Variants in TULP4 observed in about 807,000 individuals in gnomAD.
TULP4 encodes the protein TUB like protein 4.
In TULP4, 16 loss-of-function variants were observed where a neutral mutation model predicts 129.0. That is an observed-to-expected ratio of 0.12 (90% CI 0.08 to 0.19). The LOEUF (loss-of-function observed/expected upper bound fraction) is 0.19, where lower values mean the gene tolerates loss of function less well. Among genes scored for constraint, TULP4 ranks in the 10% least tolerant of loss-of-function variants. The pLI, the probability that TULP4 is intolerant of heterozygous loss-of-function variation, is 1.00. For synonymous variants in TULP4, 998 were observed against 854.0 expected, an observed-to-expected ratio of 1.17 and a Z score of -2.94; for missense variants, 1,842 against 2,059.1, an observed-to-expected ratio of 0.89 and a Z score of 2.04.
At chr6:158,453,325 A>T (rs1779205457) in intron 5 of TULP4, among the ~76,000 whole-genome samples, 1 of 151,464 alleles carries the variant, frequency 6.6e-6, no homozygotes, top group Admixed American at 6.6e-5. Context: ...AATTAGCTAA[A>T]CACAAAAAAT....
chr6:158,345,586 G>C (rs1369455582), intron 1 of TULP4, among the ~76,000 whole-genome samples: 1 of 152,208 alleles, frequency 6.6e-6, no homozygotes, highest in Admixed American at 6.5e-5. Context: ...ATTTCAAAAG[G>C]GGAGTGGGTG....
chr6:158,398,716 A>G (rs550676682), intron 1 of TULP4, among the ~76,000 whole-genome samples: 15 of 152,258 alleles, frequency 9.9e-5, no homozygotes, highest in African/African-American at 2.9e-4. Context: ...ACAAAATTCA[A>G]TTGTTCTTCT....
chr6:158,297,976 T>C (rs1382819870), intron 1 of TULP4, among the ~76,000 whole-genome samples: 1 of 152,178 alleles, frequency 6.6e-6, no homozygotes, highest in Non-Finnish European at 1.5e-5. Flanking sequence ...AGCGGCCGTT[T>C]ATAGACCTCC....
At chr6:158,419,629 G>A (rs1404196033) in intron 2 of TULP4, among the ~76,000 whole-genome samples, 3 of 152,108 alleles carry the variant, frequency 2.0e-5, no homozygotes, top group Non-Finnish European at 2.9e-5. Context: ...TTTAAAGGAT[G>A]AGAAAGATGT....
chr6:158,424,673 A>G (rs1583861255), intron 2 of TULP4, among the ~76,000 whole-genome samples: 2 of 152,358 alleles, frequency 1.3e-5, no homozygotes, highest in East Asian at 3.9e-4. Context: ...GTACATGTTC[A>G]ATACAAATGT....
chr6:158,258,880 C>G (rs896241664), intron 1 of TULP4, among the ~76,000 whole-genome samples: 10 of 152,098 alleles, frequency 6.6e-5, no homozygotes, highest in Non-Finnish European at 1.5e-4. Context: ...AAAGTTTAAC[C>G]AAGCAGGGTA....
intron 1 of TULP4, among the ~76,000 whole-genome samples, chr6:158,295,705 C>T (rs1315348058): frequency 1.3e-5 from 2 of 152,140 alleles, no homozygotes. Flanking sequence ...CTGGCTAACA[C>T]AGTGAAACTC....
chr6:158,267,750 A>G (rs761461132), intron 1 of TULP4, among the ~76,000 whole-genome samples: 19 of 152,284 alleles, frequency 1.2e-4, no homozygotes, highest in Non-Finnish European at 2.2e-4. Context: ...AAGGCCTGCC[A>G]AGGTCAGCCT....
intron 11 of TULP4, 88 bp from the exon 12 acceptor site, chr6:158,498,581 A>T: frequency 6.6e-7 from 1 of 1,516,066 alleles, no homozygotes; most frequent in Non-Finnish European, 9.1e-7. Flanking sequence ...GGGAAACTGC[A>T]GTGCGCTCTT....
At chr6:158,329,387 A>G (rs904791075) in intron 1 of TULP4, among the ~76,000 whole-genome samples, 20 of 149,986 alleles carry the variant, frequency 1.3e-4, no homozygotes, top group African/African-American at 3.4e-4. Context: ...CGAGATTTGT[A>G]TGTTTTAGCT....
At chr6:158,446,829 G>A (rs759142197) in intron 3 of TULP4, among the ~76,000 whole-genome samples, 35 of 152,152 alleles carry the variant, frequency 2.3e-4, no homozygotes, top group Non-Finnish European at 3.4e-4. Flanking sequence ...TGGGTGTAGC[G>A]AGAGTGCTTG....
chr6:158,246,023 G>GGGGTGTGTGTGTGT (rs113914160), intron 1 of TULP4, among the ~76,000 whole-genome samples: 52 of 145,914 alleles, frequency 3.6e-4, no homozygotes, highest in East Asian at 1.2e-3. Context: ...ACCCCTTAGG[G>GGGGTGTGTGTGTGT]GTGTGTGTGT....
intron 8 of TULP4, among the ~76,000 whole-genome samples, chr6:158,488,816 T>G (rs1780128775): frequency 6.6e-6 from 1 of 151,552 alleles, no homozygotes; most frequent in Non-Finnish European, 1.5e-5. Context: ...TGTGGGGGAT[T>G]TGGGTGGTGA....
At chr6:158,479,371 T>C (rs1189477266) in intron 6 of TULP4, among the ~76,000 whole-genome samples, 1 of 152,206 alleles carries the variant, frequency 6.6e-6, no homozygotes. Context: ...GTAAACAAAC[T>C]TTATAAAATT....
chr6:158,502,490 C>A lies in TULP4; in HGVS notation c.2827C>A (p.Leu943Met). The change falls in exon 13 of 14, where the codon CTG becomes ATG. Residue 943 changes from leucine to methionine, a missense_variant. Leu to Met is a conservative substitution (Grantham distance 15, BLOSUM62 2). Coordinates refer to ENST00000367097, the MANE Select transcript of TULP4 (RefSeq NM_020245.5). The part of the protein sequence containing the change: ...KVPQPCSSAT[L>M]NRLTVPRYSI... ...CCCTCAGCCCTGCAGCAGTGCCACC[C>A]TGAACCGCCTGACCGTCCCTCGCTA... 1 of 1,613,240 alleles carries A rather than the reference C, an allele frequency of 6.2e-7. No individual in the cohort carries two copies.
intron 8 of TULP4, among the ~76,000 whole-genome samples, chr6:158,485,425 A>G (rs1469011033): frequency 6.6e-6 from 1 of 152,256 alleles, no homozygotes; most frequent in African/African-American, 2.4e-5. Flanking sequence ...ATGAAATTAT[A>G]TGAGCAGAGA....
Position 158,424,889 on chromosome 6 carries a change from C to T in TULP4, c.382-4847C>T, listed in dbSNP as rs967538036. ...ACAATGTCGGCTGGGCACGGTGGCT[C>T]GTACCGGTAATCCCAGCACTTTGGG... On this transcript the variant is annotated intron_variant, in intron 2 of 13. Coordinates refer to ENST00000367097, the MANE Select transcript of TULP4 (RefSeq NM_020245.5). 2.0e-5 allele frequency among the ~76,000 whole-genome samples: 3 copies of T among 152,064 alleles called. No homozygotes were observed. In the East Asian group the frequency reaches 5.8e-4, roughly 29 times the overall value.
In TULP4 at chr6:158,243,847, G is replaced by GGTT. The variant is rs1554273473; in HGVS notation, n.68+11546_68+11547insTGT. Among the ~76,000 whole-genome samples, 234 of 143,604 alleles carry GGTT rather than the reference G, an allele frequency of 1.6e-3. 8 individuals carry two copies. In the South Asian group the frequency reaches 0.051, roughly 31 times the overall value. 94.2% of individuals were successfully genotyped at this position (143,604 alleles called of 152,430 possible). ...TGTCATTTAGTTATTAGCTGAAATAGGTGTGTGTGTGTGTGTGTGTGTGTG... is the reference window on the plus strand; with the variant it reads ...TGTCATTTAGTTATTAGCTGAAATAGGTTGTGTGTGTGTGTGTGTGTGTGTGTG... On this transcript the variant is annotated intron_variant and non_coding_transcript_variant, in intron 1 of 1. Transcript: ENST00000620026.
intron 6 of TULP4, among the ~76,000 whole-genome samples, chr6:158,469,714 G>A (rs1292327419): frequency 2.6e-5 from 4 of 152,006 alleles, no homozygotes; most frequent in Non-Finnish European, 4.4e-5. Flanking sequence ...CATAGTTGGA[G>A]AAATGAAATG....
Sources: allele counts gnomAD v4.1 joint callset (sites outside exome capture counted in the v4.1 genomes callset), GRCh38; gene constraint gnomAD v4.1.1; transcripts MANE v1.5; gene names NCBI Gene and HGNC (gene_info 2026-07-23, HGNC 2026-07-21).